DARS1: variants seen among roughly 807,000 people sequenced by gnomAD.
DARS1 encodes the protein aspartate--tRNA ligase, cytoplasmic.
In DARS1, 51 loss-of-function variants were observed where a neutral mutation model predicts 68.8. The observed-to-expected ratio is 0.74, with a 90% CI of 0.59 to 0.94. The LOEUF (loss-of-function observed/expected upper bound fraction) is 0.94. DARS1 is among the 40% of genes least tolerant of loss of function. DARS1 has a pLI of 0.00. For synonymous variants in DARS1, 203 were observed against 190.4 expected, an observed-to-expected ratio of 1.07 and a Z score of -0.55; for missense variants, 607 against 597.3, an observed-to-expected ratio of 1.02 and a Z score of -0.17.
intron 3 of DARS1, among the ~76,000 whole-genome samples, chr2:135,973,694 A>G (rs1682437239): frequency 6.6e-6 from 1 of 152,056 alleles, no homozygotes; most frequent in Non-Finnish European, 1.5e-5. Context: ...ATCTTTACAA[A>G]AAAAATGAAA....
rs775710877 is a variant in DARS1, at chr2:135,922,833, C to T, written c.762G>A (p.Lys254=). Residue 254 remains lysine, a synonymous_variant, in exon 9 of 16, where the codon AAG becomes AAA. Coordinates refer to ENST00000264161, the MANE Select transcript of DARS1 (RefSeq NM_001349.4). ...CAAAATCAGCACAAATGCACATTTG[C>T]TTATATAGCTGTGGGGACTGAGCCA... ...AYLAQSPQLY[K]QMCICADFEK... is the part of the protein sequence containing the mutation. 27 of 1,590,474 alleles carry T rather than the reference C, an allele frequency of 1.7e-5. No individual in the cohort carries two copies. The highest frequency in any genetic ancestry group is 5.3e-5 in the Admixed American group (3 of 56,522).
rs764128298 is a variant in DARS1, at chr2:135,916,251, C to T, written c.1081G>A (p.Glu361Lys). ...ALAMLREAGV[E>K]MGDEDDLSTP... ...CTCAGATCGTCTTCATCTCCCATTT[C>T]GACTCCAGCTTCCCTAAGCATAGCC... Residue 361 changes from glutamate (E) to lysine (K), a missense_variant, in exon 11 of 16, where the codon GAA (glutamate) becomes AAA (lysine). Coordinates refer to ENST00000264161, the MANE Select transcript of DARS1 (RefSeq NM_001349.4). 103 of 1,598,606 alleles carry T rather than the reference C, an allele frequency of 6.4e-5. No homozygotes were observed. Among genetic ancestry groups the T allele is most frequent in the South Asian group, 5.2e-4 (47 of 90,740 alleles).
At chr2:135,977,102 G>A (rs777427976) in intron 3 of DARS1, among the ~76,000 whole-genome samples, 4 of 152,154 alleles carry the variant, frequency 2.6e-5, no homozygotes, top group Non-Finnish European at 5.9e-5. Flanking sequence ...AAAAAACTAC[G>A]ATGGAAGGCA....
intron 3 of DARS1, among the ~76,000 whole-genome samples, chr2:135,963,853 T>C (rs1682153839): frequency 6.6e-6 from 1 of 150,840 alleles, no homozygotes; most frequent in Admixed American, 6.6e-5. Flanking sequence ...CTAATTTTTG[T>C]ATTTGTAGTA....
chr2:135,975,054 C>T (rs1164029324), intron 3 of DARS1, among the ~76,000 whole-genome samples: 1 of 151,982 alleles, frequency 6.6e-6, no homozygotes, highest in Non-Finnish European at 1.5e-5. Flanking sequence ...CATTAAAAAA[C>T]AATGATGCGG....
chr2:135,942,736 C>A (rs1681631064), intron 5 of DARS1, among the ~76,000 whole-genome samples: 1 of 151,918 alleles, frequency 6.6e-6, no homozygotes, highest in African/African-American at 2.4e-5. Flanking sequence ...AAGATAGGTC[C>A]ATTATTATTC....
At chr2:135,934,618 T>C (rs1490605758) in intron 5 of DARS1, among the ~76,000 whole-genome samples, 1 of 151,644 alleles carries the variant, frequency 6.6e-6, no homozygotes, top group African/African-American at 2.4e-5. Context: ...AGACCCTGTC[T>C]CAAAAAAACA....
At chr2:135,979,792 C>A (rs1244372331) in intron 2 of DARS1, among the ~76,000 whole-genome samples, 5 of 152,186 alleles carry the variant, frequency 3.3e-5, no homozygotes, top group Non-Finnish European at 7.3e-5. Context: ...GGAACTTTTG[C>A]CTGCCTGCCA....
chr2:135,968,824 G>GC (rs1229717430), intron 3 of DARS1, among the ~76,000 whole-genome samples: 1 of 152,002 alleles, frequency 6.6e-6, no homozygotes, highest in African/African-American at 2.4e-5. Context: ...ATGATGCCCG[G>GC]CTATTTTTTG....
intron 4 of DARS1, among the ~76,000 whole-genome samples, chr2:135,953,964 C>T (rs1246761795): frequency 1.3e-5 from 2 of 149,014 alleles, no homozygotes; most frequent in Non-Finnish European, 3.0e-5. Context: ...GCCATGTTGA[C>T]CAGGTTGGTC....
At chr2:135,978,678 G>C (rs1020198164) in intron 3 of DARS1, among the ~76,000 whole-genome samples, 1 of 152,194 alleles carries the variant, frequency 6.6e-6, no homozygotes, top group Non-Finnish European at 1.5e-5. Context: ...AGCACTGTCT[G>C]AAAGAACTTT....
At chr2:135,963,758 C>A (rs979935810) in intron 3 of DARS1, among the ~76,000 whole-genome samples, 1 of 151,706 alleles carries the variant, frequency 6.6e-6, no homozygotes, top group Non-Finnish European at 1.5e-5. Flanking sequence ...CGGCTCACTG[C>A]AACCTCCACC....
chr2:135,985,484 G>T lies in DARS1; in HGVS notation c.-16C>A. ...CGCTGGGCATCGGGACACGGAACTG[G>T]GCAGTGGACACCACCCTCCCTCGCA... On this transcript the variant is annotated 5_prime_UTR_variant, in exon 1 of 16. Transcript: ENST00000264161. 1.2e-6 allele frequency: 2 copies of T among 1,613,974 alleles called. No individual in the cohort carries two copies. Among genetic ancestry groups the T allele is most frequent in the Middle Eastern group, 1.6e-4 (1 of 6,062 alleles).
chr2:135,920,380 T>C (rs1681089157), intron 10 of DARS1, 73 bp downstream of exon 10: 2 of 1,501,660 alleles, frequency 1.3e-6, no homozygotes, highest in African/African-American at 1.4e-5. Context: ...TATGTTTAAA[T>C]TGAAGAATTT....
rs564608047 is a variant in DARS1, at chr2:135,935,763, C to T, written c.424-1773G>A. ...AAACCATTTTATCATATTAGTTAAC[C>T]CAAACTATGTCTGGAAAACCTGCTA... On this transcript the variant is annotated intron_variant, in intron 5 of 15. Transcript: ENST00000264161. 2.0e-5 allele frequency among the ~76,000 whole-genome samples: 3 copies of T among 152,046 alleles called. No homozygotes were observed. The South Asian group carries it at 6.2e-4, about 32-fold the overall frequency.
In DARS1 at chr2:135,971,333, C is replaced by G. The variant is rs190472230; in HGVS notation, c.217+7941G>C. Among the ~76,000 whole-genome samples the G allele has an allele frequency of 5.3e-3, 810 of 152,162 alleles. 23 individuals are homozygous for G. The highest frequency in any genetic ancestry group is 0.043 in the Admixed American group (659 of 15,280). The stretch of plus-strand genomic sequence containing the variant: ...TACATTGTATCAACAGGATGAAGGA[C>G]AAAAGCGATATGATCATTTCCAACT... On this transcript the variant is annotated intron_variant, in intron 3 of 15. Transcript: ENST00000264161.
rs1273326429 is a variant in DARS1 at position 135,985,385 on chromosome 2, G to A, written c.66+18C>T. The A allele has an allele frequency of 1.2e-6, 2 of 1,612,744 alleles. No homozygotes were observed. The highest frequency in any genetic ancestry group is 2.7e-5 in the African/African-American group (2 of 74,934). ...CCAGGGGTCTGTCCTCCCAGGCCCA[G>A]GAAAGGAGGAAACCCACTTCCGCCG... On this transcript the variant is annotated intron_variant, in intron 1 of 15. Coordinates refer to ENST00000264161, the MANE Select transcript of DARS1 (RefSeq NM_001349.4).
intron 3 of DARS1, among the ~76,000 whole-genome samples, chr2:135,971,675 C>A (rs1682372957): frequency 1.3e-5 from 2 of 152,022 alleles, no homozygotes; most frequent in African/African-American, 2.4e-5. Context: ...ATGCTATGAT[C>A]TTATATTTGG....
Position 135,961,385 on chromosome 2 carries a change from T to G in DARS1, c.320+11A>C. ...GTTTATTCTGACAACAGGATATAAT[T>G]GCTTACTTACTTGGCAGCAAATTTA... On this transcript the variant is annotated intron_variant, in intron 4 of 15. Transcript: ENST00000264161. 1 of 1,138,984 alleles carries G rather than the reference T, an allele frequency of 8.8e-7. No individual in the cohort carries two copies. Among genetic ancestry groups the G allele is most frequent in the Non-Finnish European group, 1.3e-6 (1 of 745,154 alleles). The allele number at this position is 1,138,984 out of a possible 1,614,324, so 70.6% of individuals were successfully genotyped here. A position where few individuals can be genotyped will look rare whatever the true frequency, so the allele number is the denominator to read the frequency against.
Sources: allele counts gnomAD v4.1 joint callset (sites outside exome capture counted in the v4.1 genomes callset), GRCh38; gene constraint gnomAD v4.1.1; transcripts MANE v1.5; gene names NCBI Gene and HGNC (gene_info 2026-07-23, HGNC 2026-07-21).